The following SMIM10L2A variants were observed in gnomAD, a reference collection of about 807,000 sequenced individuals.
The protein encoded by SMIM10L2A is small integral membrane protein 10-like protein 2A.
A neutral mutation model predicts 3.0 loss-of-function variants in SMIM10L2A; 2 were observed. That is an observed-to-expected ratio of 0.66 (90% CI 0.27 to 2.08). The LOEUF (loss-of-function observed/expected upper bound fraction) is 2.08. SMIM10L2A is among the 30% of genes most tolerant of loss of function. The pLI, the probability that SMIM10L2A is intolerant of heterozygous loss-of-function variation, is 0.14. For synonymous variants in SMIM10L2A, 29 were observed against 34.8 expected (o/e 0.83, Z 0.58); for missense variants, 59 against 66.5 (o/e 0.89, Z 0.39).
rs1369197846 is a variant in SMIM10L2A at position 135,425,171 on chromosome X, G to A, written c.*1901G>A. On this transcript the variant is annotated 3_prime_UTR_variant, in exon 2 of 2. Coordinates refer to ENST00000417443, the MANE Select transcript of SMIM10L2A (RefSeq NM_203306.3). ...AGGCTGGAGGAAAGCTCTTTGCTGA[G>A]TGCATGCATGGGAGTGTGGGGGGTG... The A allele has an allele frequency of 2.4e-4, 27 of 112,105 alleles. No homozygotes were observed. Among genetic ancestry groups the A allele is most frequent in the African/African-American group, 8.4e-4 (26 of 30,844 alleles). The allele number at this position is 112,105 out of a possible 1,213,427, so 9.2% of individuals were successfully genotyped here. A position where few individuals can be genotyped will look rare whatever the true frequency, so the allele number is the denominator to read the frequency against.
rs1190163591 is a variant in SMIM10L2A, at chrX:135,428,060, AT to A, written c.*4793del. The A allele has an allele frequency of 2.7e-5, 3 of 111,357 alleles. No individual in the cohort carries two copies. The highest frequency in any genetic ancestry group is 3.8e-5 in the Non-Finnish European group (2 of 53,091). 9.2% of individuals were successfully genotyped at this position (111,357 alleles called of 1,213,427 possible). A position where few individuals can be genotyped will look rare whatever the true frequency, so the allele number is the denominator to read the frequency against. ...CAATTCTGATTCAATAGATTAAAAA[AT>A]TTATTACTACCTTTCATTGCCTCAA... is the stretch of plus-strand genomic sequence containing the variant. On this transcript the variant is annotated 3_prime_UTR_variant, in exon 2 of 2. Coordinates refer to ENST00000417443, the MANE Select transcript of SMIM10L2A (RefSeq NM_203306.3).
rs1441908314 is a variant in SMIM10L2A at position 135,423,694 on chromosome X, G to A, written c.*424G>A. 1 of 113,797 alleles carries A rather than the reference G, an allele frequency of 8.8e-6. No individual in the cohort carries two copies. The highest frequency in any genetic ancestry group is 9.2e-5 in the Admixed American group (1 of 10,911). The allele number at this position is 113,797 out of a possible 1,213,427, so 9.4% of individuals were successfully genotyped here. A position where few individuals can be genotyped will look rare whatever the true frequency, so the allele number is the denominator to read the frequency against. ...TGGCCTTGCCAAGAGTCACATCCCT[G>A]CCCAGGGGCACCTCTGGCCCTGGAA... is the stretch of plus-strand genomic sequence containing the variant. On this transcript the variant is annotated 3_prime_UTR_variant, in exon 2 of 2. Coordinates refer to ENST00000417443, the MANE Select transcript of SMIM10L2A (RefSeq NM_203306.3).
rs1204169572 is a variant in SMIM10L2A, at chrX:135,426,951, A to G, written c.*3681A>G. On this transcript the variant is annotated 3_prime_UTR_variant, in exon 2 of 2. Transcript: ENST00000417443. ...ATGCTTGTAAGCAGTGAATACGATG[A>G]TGTCTGTTCATTGTTTGTCATCAGG... is the stretch of plus-strand genomic sequence containing the variant. 8.8e-6 allele frequency: 1 copy of G among 113,007 alleles called. No homozygotes were observed. The allele number at this position is 113,007 out of a possible 1,213,427, so 9.3% of individuals were successfully genotyped here.
At chrX:135,423,018 A>G (rs370391001) in intron 1 of SMIM10L2A, among the ~76,000 whole-genome samples, 166 of 112,209 alleles carry the variant, frequency 1.5e-3, no homozygotes, top group Non-Finnish European at 1.5e-3. Context: ...ATGGAGGGTA[A>G]TGGGCTGGGG....
At chrX:135,422,993 C>T (rs190226135) in intron 1 of SMIM10L2A, among the ~76,000 whole-genome samples, 2 of 112,299 alleles carry the variant, frequency 1.8e-5, no homozygotes, top group African/African-American at 6.5e-5. Context: ...CAGGGTGTCC[C>T]CTGAACCCTG....
At position 135,425,657 on chromosome X, in the gene SMIM10L2A, C is replaced by T. The variant is rs2085149758; in HGVS notation, c.*2387C>T. The T allele has an allele frequency of 8.9e-6, 1 of 112,681 alleles. No homozygotes were observed. Among genetic ancestry groups the T allele is most frequent in the Non-Finnish European group, 1.9e-5 (1 of 53,319 alleles). 9.3% of individuals were successfully genotyped at this position (112,681 alleles called of 1,213,427 possible). Reference sequence around the variant, plus strand: ...GTGATTCACTGTGTACTGGTCAGCACAGGCTGGCCAGAGAGCTGTTCTTGT... The same window carrying T: ...GTGATTCACTGTGTACTGGTCAGCATAGGCTGGCCAGAGAGCTGTTCTTGT... On this transcript the variant is annotated 3_prime_UTR_variant, in exon 2 of 2. Transcript: ENST00000417443.
At chrX:135,423,579 G>T (rs1417088807) in intron 1 of SMIM10L2A, 54 bp from the exon 2 acceptor site, 1 of 113,918 alleles carries the variant, frequency 8.8e-6, no homozygotes, top group East Asian at 2.8e-4. Flanking sequence ...GGGAAGCAAG[G>T]ACGTGTCTGG....
At position 135,424,010 on chromosome X, in the gene SMIM10L2A, C is replaced by T. The variant is rs2085142250; in HGVS notation, c.*740C>T. 1 of 112,134 alleles carries T rather than the reference C, an allele frequency of 8.9e-6. No homozygotes were observed. Among genetic ancestry groups the T allele is most frequent in the African/African-American group, 3.2e-5 (1 of 30,789 alleles). The allele number at this position is 112,134 out of a possible 1,213,427, so 9.2% of individuals were successfully genotyped here. A position where few individuals can be genotyped will look rare whatever the true frequency, so the allele number is the denominator to read the frequency against. On this transcript the variant is annotated 3_prime_UTR_variant, in exon 2 of 2. Transcript: ENST00000417443. ...GGAACTGCGTGTGCCCCTGGGCCTG[C>T]AGGCCCCCACACCCCTCCCCAGTCT...
chrX:135,422,051 C>CTAG lies in SMIM10L2A; in HGVS notation c.-79_-77dup, dbSNP rs2148517723. The CTAG allele has an allele frequency of 3.7e-6, 1 of 273,430 alleles. No homozygotes were observed. The highest frequency in any genetic ancestry group is 5.6e-5 in the East Asian group (1 of 17,706). 22.5% of individuals were successfully genotyped at this position (273,430 alleles called of 1,213,427 possible). A position where few individuals can be genotyped will look rare whatever the true frequency, so the allele number is the denominator to read the frequency against. ...GGCTCTGGGCGACCCGCTGGGTGCA[C>CTAG]TAGTGCTCGGGTCCCACCGCCCTGA... On this transcript the variant is annotated 5_prime_UTR_variant, in exon 1 of 2. Transcript: ENST00000417443.
rs1322366480 is a variant in SMIM10L2A at position 135,421,966 on chromosome X, C to T, written c.-166C>T. Reference sequence around the variant, plus strand: ...CGTGTGCGGGATCGTGGAGGTGGGGCCGAGGCAGCGGCCGCCTGAGCCCCG... The same window carrying T: ...CGTGTGCGGGATCGTGGAGGTGGGGTCGAGGCAGCGGCCGCCTGAGCCCCG... On this transcript the variant is annotated 5_prime_UTR_variant, in exon 1 of 2. Coordinates refer to ENST00000417443, the MANE Select transcript of SMIM10L2A (RefSeq NM_203306.3). The T allele has an allele frequency of 4.2e-6, 1 of 240,604 alleles. No individual in the cohort carries two copies. The highest frequency in any genetic ancestry group is 6.9e-5 in the Admixed American group (1 of 14,546). The allele number at this position is 240,604 out of a possible 1,213,427, so 19.8% of individuals were successfully genotyped here. A position where few individuals can be genotyped will look rare whatever the true frequency, so the allele number is the denominator to read the frequency against.
intron 1 of SMIM10L2A, among the ~76,000 whole-genome samples, chrX:135,423,291 C>T (rs1389702414): frequency 4.4e-5 from 5 of 112,507 alleles, no homozygotes; most frequent in Non-Finnish European, 7.5e-5. Context: ...CCCCCAAGCT[C>T]TGCATTTGGA....
chrX:135,422,108 G>C lies in SMIM10L2A; in HGVS notation c.-24G>C, dbSNP rs1280269819. The C allele has an allele frequency of 2.8e-6, 1 of 363,205 alleles. No individual in the cohort carries two copies. Among genetic ancestry groups the C allele is most frequent in the African/African-American group, 2.7e-5 (1 of 37,135 alleles). 29.9% of individuals were successfully genotyped at this position (363,205 alleles called of 1,213,427 possible). A position where few individuals can be genotyped will look rare whatever the true frequency, so the allele number is the denominator to read the frequency against. ...CGCTCGAGCGGGTCAGTCGGTCGGC[G>C]GGGCCTGCGCGGGGCCCGGGCCCAT... On this transcript the variant is annotated 5_prime_UTR_variant, in exon 1 of 2. Coordinates refer to ENST00000417443, the MANE Select transcript of SMIM10L2A (RefSeq NM_203306.3).
rs1481144239 is a variant in SMIM10L2A, at chrX:135,427,689, GTTA to G, written c.*4424_*4426del. The G allele has an allele frequency of 8.9e-6, 1 of 112,176 alleles. No individual in the cohort carries two copies. Among genetic ancestry groups the G allele is most frequent in the Non-Finnish European group, 1.9e-5 (1 of 53,236 alleles). 9.2% of individuals were successfully genotyped at this position (112,176 alleles called of 1,213,427 possible). ...CGCTATTTCATGTTTGTCTTACCAT[GTTA>G]TTATGTATTTTCCTACATCCAAAGC... On this transcript the variant is annotated 3_prime_UTR_variant, in exon 2 of 2. Coordinates refer to ENST00000417443, the MANE Select transcript of SMIM10L2A (RefSeq NM_203306.3).
intron 1 of SMIM10L2A, among the ~76,000 whole-genome samples, 193 bp from the exon 2 acceptor site, chrX:135,423,440 C>G (rs1449546582): frequency 8.8e-6 from 1 of 113,194 alleles, no homozygotes; most frequent in Admixed American, 9.2e-5. Flanking sequence ...CAGCCCCAGA[C>G]GGCCTCTAGA....
rs1318881873 is a variant in SMIM10L2A at position 135,426,566 on chromosome X, C to T, written c.*3296C>T. On this transcript the variant is annotated 3_prime_UTR_variant, in exon 2 of 2. Transcript: ENST00000417443. ...GAGCATCCTGACAAGGAGGACCCGT[C>T]CAAACGCACTGGTGCTAATGCCCTA... 1.8e-5 allele frequency: 2 copies of T among 113,004 alleles called. No homozygotes were observed. The highest frequency in any genetic ancestry group is 3.8e-5 in the Non-Finnish European group (2 of 53,294). 9.3% of individuals were successfully genotyped at this position (113,004 alleles called of 1,213,427 possible). A position where few individuals can be genotyped will look rare whatever the true frequency, so the allele number is the denominator to read the frequency against.
At position 135,425,335 on chromosome X, in the gene SMIM10L2A, A is replaced by G. The variant is rs2148518699; in HGVS notation, c.*2065A>G. On this transcript the variant is annotated 3_prime_UTR_variant, in exon 2 of 2. Coordinates refer to ENST00000417443, the MANE Select transcript of SMIM10L2A (RefSeq NM_203306.3). ...GGGAGCCCCACCCCATAAGAGGGTC[A>G]CGGAAGTCCATGTCCGCCCACCCCC... 1 of 112,090 alleles carries G rather than the reference A, an allele frequency of 8.9e-6. No individual in the cohort carries two copies. Among genetic ancestry groups the G allele is most frequent in the South Asian group, 3.7e-4 (1 of 2,677 alleles). The allele number at this position is 112,090 out of a possible 1,213,427, so 9.2% of individuals were successfully genotyped here.
rs1471545583 is a variant in SMIM10L2A at position 135,424,830 on chromosome X, C to T, written c.*1560C>T. The T allele has an allele frequency of 1.8e-5, 2 of 111,776 alleles. No individual in the cohort carries two copies. The highest frequency in any genetic ancestry group is 3.3e-5 in the African/African-American group (1 of 30,645). 9.2% of individuals were successfully genotyped at this position (111,776 alleles called of 1,213,427 possible). On this transcript the variant is annotated 3_prime_UTR_variant, in exon 2 of 2. Transcript: ENST00000417443. ...GCTGGACAGTGGCTGCCTCATGACC[C>T]TTGCAGTCTCCCACATCCAGGGCCT...
At position 135,426,770 on chromosome X, in the gene SMIM10L2A, C is replaced by T. The variant is rs1556471814; in HGVS notation, c.*3500C>T. 1 of 113,018 alleles carries T rather than the reference C, an allele frequency of 8.8e-6. No homozygotes were observed. Among genetic ancestry groups the T allele is most frequent in the Non-Finnish European group, 1.9e-5 (1 of 53,355 alleles). The allele number at this position is 113,018 out of a possible 1,213,427, so 9.3% of individuals were successfully genotyped here. A position where few individuals can be genotyped will look rare whatever the true frequency, so the allele number is the denominator to read the frequency against. ...GAAGAGGGAGGATCACCCCTCCCAT[C>T]CCTGCTACAGAGGAAAAGGCAGGAA... On this transcript the variant is annotated 3_prime_UTR_variant, in exon 2 of 2. Coordinates refer to ENST00000417443, the MANE Select transcript of SMIM10L2A (RefSeq NM_203306.3).
In SMIM10L2A at chrX:135,426,266, C is replaced by G. The variant is rs1419822471; in HGVS notation, c.*2996C>G. 1 of 111,558 alleles carries G rather than the reference C, an allele frequency of 9.0e-6. No homozygotes were observed. The highest frequency in any genetic ancestry group is 1.9e-5 in the Non-Finnish European group (1 of 53,026). 9.2% of individuals were successfully genotyped at this position (111,558 alleles called of 1,213,427 possible). A position where few individuals can be genotyped will look rare whatever the true frequency, so the allele number is the denominator to read the frequency against. On this transcript the variant is annotated 3_prime_UTR_variant, in exon 2 of 2. Transcript: ENST00000417443. ...GACCTGGCCCTGGAAGCCTGCTTCC[C>G]TTTCCCAACCTTGGAAGCAAATTCT...
Sources: gnomAD v4.1 joint callset for allele counts (sites outside exome capture counted in the v4.1 genomes callset) on GRCh38, gnomAD v4.1.1 for gene constraint, MANE v1.5 for transcripts, NCBI Gene and HGNC (gene_info 2026-07-23, HGNC 2026-07-21) for gene names.